Variants in RNASEH2B observed in about 807,000 individuals in gnomAD.
RNASEH2B encodes Aicardi-Goutieres syndrome 2 protein.
A neutral mutation model predicts 45.0 loss-of-function variants in RNASEH2B; 36 were observed. The observed-to-expected ratio is 0.80, with a 90% CI of 0.61 to 1.06. The LOEUF (loss-of-function observed/expected upper bound fraction) is 1.06. RNASEH2B is among the 50% of genes least tolerant of loss of function. The pLI, the probability that RNASEH2B is intolerant of heterozygous loss-of-function variation, is 0.00. For synonymous variants in RNASEH2B, 119 were observed against 125.7 expected (o/e 0.95, Z 0.35); for missense variants, 361 against 360.3 (o/e 1.00, Z -0.02).
intron 2 of RNASEH2B, among the ~76,000 whole-genome samples, chr13:50,929,117 A>G (rs1951643342): frequency 6.6e-6 from 1 of 152,072 alleles, no homozygotes; most frequent in Non-Finnish European, 1.5e-5. Flanking sequence ...AGAGGCAGGG[A>G]CCCACGTGCC....
Position 50,949,485 on chromosome 13 carries a change from T to C in RNASEH2B, c.721T>C (p.Leu241=), listed in dbSNP as rs1046177737. 2 of 1,613,444 alleles carry C rather than the reference T, an allele frequency of 1.2e-6. No individual in the cohort carries two copies. The highest frequency in any genetic ancestry group is 2.7e-5 in the African/African-American group (2 of 74,910). ...TAGGCTTCCAGAACCTTCAGCCTCA[T>C]TGCCAAATCCTCCATCAAAGGTAAG... The part of the protein sequence containing the change: ...YLKLPEPSAS[L]PNPPSKKIKL... Residue 241 remains leucine (L), a synonymous_variant, in exon 9 of 11, where the codon TTG becomes CTG. Transcript: ENST00000336617.
chr13:50,951,018 G>A (rs1183936355), intron 9 of RNASEH2B: 1 of 152,154 alleles, frequency 6.6e-6, no homozygotes, highest in Non-Finnish European at 1.5e-5. Flanking sequence ...ATACATAAAC[G>A]AATGAGCATG....
intron 9 of RNASEH2B, among the ~76,000 whole-genome samples, chr13:50,965,634 C>T (rs2138042750): frequency 6.6e-6 from 1 of 152,296 alleles, no homozygotes; most frequent in East Asian, 1.9e-4. Context: ...AATGAGTTTT[C>T]TGTGATGCAT....
At chr13:50,954,095 G>T in intron 10 of RNASEH2B, 110 bp downstream of exon 10, 1 of 743,838 alleles carries the variant, frequency 1.3e-6, no homozygotes, top group South Asian at 1.5e-5. Context: ...TGACCAGGAA[G>T]AATTATTAAC....
chr13:50,929,756 A>C (rs112700655), intron 3 of RNASEH2B, among the ~76,000 whole-genome samples, 174 bp downstream of exon 3: 8 of 152,258 alleles, frequency 5.3e-5, no homozygotes, highest in African/African-American at 1.9e-4. Flanking sequence ...TTGAGCACTA[A>C]GGTTAAGTCA....
At chr13:50,921,852 T>G (rs1951527887) in intron 1 of RNASEH2B, among the ~76,000 whole-genome samples, 1 of 152,162 alleles carries the variant, frequency 6.6e-6, no homozygotes, top group South Asian at 2.1e-4. Context: ...ACAGCAGGGT[T>G]TGTGGGATTG....
intron 4 of RNASEH2B, among the ~76,000 whole-genome samples, chr13:50,931,665 T>C (rs1163102843): frequency 6.6e-6 from 1 of 152,214 alleles, no homozygotes; most frequent in Non-Finnish European, 1.5e-5. Context: ...TCTTTGTAGT[T>C]AGAAAAGGAA....
chr13:50,970,253 A>G, exon 10 of RNASEH2B: 1 of 545,858 alleles, frequency 1.8e-6, no homozygotes, highest in Non-Finnish European at 3.2e-6. Flanking sequence ...TCAGGCCAGC[A>G]TGTTTTAGGT....
chr13:50,933,745 C>T (rs143571928), intron 4 of RNASEH2B, among the ~76,000 whole-genome samples: 2 of 152,160 alleles, frequency 1.3e-5, no homozygotes, highest in African/African-American at 4.8e-5. Context: ...TAGTCCATTA[C>T]ATATAAATAT....
chr13:50,918,251 C>A (rs1199331546), intron 1 of RNASEH2B, among the ~76,000 whole-genome samples: 1 of 152,152 alleles, frequency 6.6e-6, no homozygotes, highest in Non-Finnish European at 1.5e-5. Flanking sequence ...CATTCTCCTG[C>A]CTCAGCCTCC....
intron 1 of RNASEH2B, among the ~76,000 whole-genome samples, chr13:50,916,092 GA>G (rs957596264): frequency 5.3e-5 from 8 of 151,298 alleles, no homozygotes; most frequent in African/African-American, 1.9e-4. Flanking sequence ...GTAATATGGG[GA>G]AAAAAATAAA....
chr13:50,929,413 T>G (rs1593457755), intron 2 of RNASEH2B, 62 bp from the exon 3 acceptor site: 1 of 908,816 alleles, frequency 1.1e-6, no homozygotes, highest in South Asian at 1.3e-5. Flanking sequence ...TCTTTTGGGG[T>G]GTGTGTGTGT....
intron 9 of RNASEH2B, among the ~76,000 whole-genome samples, chr13:50,964,998 A>G (rs1293144051): frequency 3.9e-5 from 6 of 152,166 alleles, no homozygotes; most frequent in Admixed American, 3.9e-4. Flanking sequence ...TACTCCCTGC[A>G]TAGGACCTTG....
intron 1 of RNASEH2B, among the ~76,000 whole-genome samples, chr13:50,914,379 T>C (rs1194988265): frequency 2.6e-5 from 4 of 152,206 alleles, no homozygotes; most frequent in Non-Finnish European, 4.4e-5. Flanking sequence ...ACTTGGCACA[T>C]GATAGAGAAC....
At position 50,939,792 on chromosome 13, in the gene RNASEH2B, T is replaced by C. The variant is rs200804159; in HGVS notation, c.437-3529T>C. Among the ~76,000 whole-genome samples the C allele has an allele frequency of 7.2e-5, 11 of 152,288 alleles. No individual in the cohort carries two copies. In the East Asian group the frequency reaches 1.2e-3, roughly 16 times the overall value. On this transcript the variant is annotated intron_variant, in intron 5 of 10. Coordinates refer to ENST00000336617, the MANE Select transcript of RNASEH2B (RefSeq NM_024570.4). Reference sequence around the variant, plus strand: ...ATTCAAAATGGATCACTATGTTAAATTCAAAAATGAAAATTATTGAGCTTC... The same window carrying C: ...ATTCAAAATGGATCACTATGTTAAACTCAAAAATGAAAATTATTGAGCTTC...
chr13:50,929,349 G>A, intron 2 of RNASEH2B, 126 bp from the exon 3 acceptor site: 1 of 698,624 alleles, frequency 1.4e-6, no homozygotes, highest in Admixed American at 2.1e-5. Flanking sequence ...TTTTAGAATA[G>A]ACCTGTGTAT....
chr13:50,951,470 C>T (rs916117882), intron 9 of RNASEH2B: 7 of 152,148 alleles, frequency 4.6e-5, no homozygotes, highest in Admixed American at 3.9e-4. Context: ...TTTGTTGAAA[C>T]TCAGCTTCCA....
In RNASEH2B at chr13:50,920,007, G is replaced by GTGTTTTGTTTTGTTT. The variant is rs201084919; in HGVS notation, c.65-7367_65-7353dup. On this transcript the variant is annotated intron_variant, in intron 1 of 10. Transcript: ENST00000336617. ...ATCAGAGATTCCTTGTTTGTTGAGG[G>GTGTTTTGTTTTGTTT]TGTTTTGTTTTGTTTTGTTTTGTTT... Among the ~76,000 whole-genome samples, 81 of 149,776 alleles carry GTGTTTTGTTTTGTTT rather than the reference G, an allele frequency of 5.4e-4. No individual in the cohort carries two copies. The Middle Eastern group carries it at 0.01, about 19-fold the overall frequency.
intron 9 of RNASEH2B, among the ~76,000 whole-genome samples, chr13:50,969,522 CAAAAAAA>C (rs3042194): frequency 1.2e-4 from 12 of 100,562 alleles, no homozygotes; most frequent in African/African-American, 3.0e-4. Context: ...ACTGCCTCTA[CAAAAAAA>C]AAAAAAAAAG....
Sources: gnomAD v4.1 joint callset for allele counts (sites outside exome capture counted in the v4.1 genomes callset) on GRCh38, gnomAD v4.1.1 for gene constraint, MANE v1.5 for transcripts, NCBI Gene and HGNC (gene_info 2026-07-23, HGNC 2026-07-21) for gene names.